RPS6KA2: variants seen among roughly 807,000 people sequenced by gnomAD.
The protein encoded by RPS6KA2 is ribosomal protein S6 kinase A2, also known as ribosomal protein S6 kinase alpha-2.
RPS6KA2 carries 42 observed loss-of-function variants against 91.8 expected under a neutral mutation model. That is an observed-to-expected ratio of 0.46 (90% CI 0.36 to 0.59). The LOEUF (loss-of-function observed/expected upper bound fraction) is 0.59, where lower values mean the gene tolerates loss of function less well. RPS6KA2 is among the 20% of genes least tolerant of loss of function. The pLI is 0.00. For missense variants in RPS6KA2, 798 were observed against 978.5 expected, an observed-to-expected ratio of 0.82 and a Z score of 2.46; for synonymous variants, 414 against 393.6, an observed-to-expected ratio of 1.05 and a Z score of -0.61.
At chr6:166,478,134 G>A (rs923919945) in intron 10 of RPS6KA2, among the ~76,000 whole-genome samples, 2 of 152,236 alleles carry the variant, frequency 1.3e-5, no homozygotes, top group African/African-American at 4.8e-5. Flanking sequence ...GACTGCGGCA[G>A]CTCGGCTGGG....
intron 1 of RPS6KA2, among the ~76,000 whole-genome samples, chr6:166,545,576 CTCTT>C (rs1039857549): frequency 6.6e-6 from 1 of 151,896 alleles, no homozygotes; most frequent in African/African-American, 2.4e-5. Flanking sequence ...CCTTTTTTTT[CTCTT>C]TCTATCCAAA....
At chr6:166,545,583 T>C (rs911691512) in intron 1 of RPS6KA2, among the ~76,000 whole-genome samples, 1 of 152,184 alleles carries the variant, frequency 6.6e-6, no homozygotes, top group African/African-American at 2.4e-5. Flanking sequence ...TTTCTCTTTC[T>C]ATCCAAACTT....
chr6:166,501,243 G>A (rs1345198009), intron 6 of RPS6KA2, among the ~76,000 whole-genome samples: 1 of 152,246 alleles, frequency 6.6e-6, no homozygotes, highest in Non-Finnish European at 1.5e-5. Flanking sequence ...CCAGACTGCT[G>A]TGCGCAAAGC....
intron 10 of RPS6KA2, among the ~76,000 whole-genome samples, chr6:166,479,088 C>A (rs948093977): frequency 6.6e-6 from 1 of 152,212 alleles, no homozygotes; most frequent in African/African-American, 2.4e-5. Context: ...CCCCTTCCAT[C>A]AGGCCCTCTC....
In RPS6KA2 at chr6:166,459,598, A is replaced by G. The variant is rs879227494; in HGVS notation, c.973-47T>C. 1 of 1,385,474 alleles carries G rather than the reference A, an allele frequency of 7.2e-7. No individual in the cohort carries two copies. Among genetic ancestry groups the G allele is most frequent in the African/African-American group, 1.4e-5 (1 of 70,608 alleles). 85.8% of individuals were successfully genotyped at this position (1,385,474 alleles called of 1,614,324 possible). On this transcript the variant is annotated intron_variant, in intron 11 of 20. Coordinates refer to ENST00000265678, the MANE Select transcript of RPS6KA2 (RefSeq NM_021135.6). This position sits in a 1 kb window ranked among gnomAD's most constrained non-coding sequence, Gnocchi z 4.9. ...GACAGGGCACTGAGGATGCACAGAC[A>G]TTGCCACAGAACACTGGGGACAGAG... is the stretch of plus-strand genomic sequence containing the variant.
chr6:166,565,588 C>G (rs1784475676), intron 1 of RPS6KA2, among the ~76,000 whole-genome samples: 1 of 152,242 alleles, frequency 6.6e-6, no homozygotes, highest in Admixed American at 6.5e-5. Flanking sequence ...TGCAGCCAAC[C>G]CCACACTCTT....
At chr6:166,680,576 G>C (rs989092072) in intron 2 of RPS6KA2, among the ~76,000 whole-genome samples, 1 of 152,162 alleles carries the variant, frequency 6.6e-6, no homozygotes, top group African/African-American at 2.4e-5. Context: ...CACTCCTGAA[G>C]CCAGTGACAG....
At chr6:166,550,438 A>G (rs1192381954) in intron 1 of RPS6KA2, among the ~76,000 whole-genome samples, 1 of 120,412 alleles carries the variant, frequency 8.3e-6, no homozygotes, top group Non-Finnish European at 1.8e-5. Flanking sequence ...AAACCTATTA[A>G]TTGGTAAAAA....
At chr6:166,751,955 TC>T (rs1313724490) in intron 2 of RPS6KA2, among the ~76,000 whole-genome samples, 4 of 151,594 alleles carry the variant, frequency 2.6e-5, no homozygotes, top group Non-Finnish European at 5.9e-5. Flanking sequence ...GAGGCCAGAC[TC>T]CGTGGAGCAC....
At chr6:166,604,405 T>C (rs927933005) in intron 1 of RPS6KA2, among the ~76,000 whole-genome samples, 1 of 151,698 alleles carries the variant, frequency 6.6e-6, no homozygotes, top group Non-Finnish European at 1.5e-5. Flanking sequence ...AAAAAAAAAA[T>C]TCAGAAATTA....
chr6:166,649,370 A>C (rs1184739133), intron 2 of RPS6KA2, among the ~76,000 whole-genome samples: 1 of 152,198 alleles, frequency 6.6e-6, no homozygotes, highest in Non-Finnish European at 1.5e-5. Context: ...AACCCTGAGC[A>C]CTTTATAACC....
chr6:166,862,024 G>A, intron 1 of RPS6KA2: 5 of 1,560,866 alleles, frequency 3.2e-6, no homozygotes, highest in Non-Finnish European at 4.4e-6. Flanking sequence ...GACATGAACT[G>A]ATTATAGTAA....
chr6:166,496,043 C>T lies in RPS6KA2; in HGVS notation c.747+2465G>A, dbSNP rs540003982. ...CTTTCAGCTTCTCCATTTGTCTTTT[C>T]GGTTTGCAGTGATTAAGACCAGAAG... is the stretch of plus-strand genomic sequence containing the variant. On this transcript the variant is annotated intron_variant, in intron 8 of 20. Coordinates refer to ENST00000265678, the MANE Select transcript of RPS6KA2 (RefSeq NM_021135.6). Among the ~76,000 whole-genome samples the T allele has an allele frequency of 5.9e-5, 9 of 152,256 alleles. No homozygotes were observed. In the East Asian group the frequency reaches 9.6e-4, roughly 16 times the overall value.
chr6:166,687,345 CT>C (rs1160167449), intron 2 of RPS6KA2, among the ~76,000 whole-genome samples: 1 of 152,192 alleles, frequency 6.6e-6, no homozygotes, highest in Non-Finnish European at 1.5e-5. Flanking sequence ...ACGCACATGC[CT>C]TGATAGCACA....
chr6:166,463,819 C>T (rs765575255), intron 11 of RPS6KA2, among the ~76,000 whole-genome samples: 27 of 152,256 alleles, frequency 1.8e-4, no homozygotes, highest in Middle Eastern at 3.4e-3. Context: ...AAGACAGGAT[C>T]GAAAGCGCCG....
chr6:166,759,325 A>G (rs753124562), intron 2 of RPS6KA2, among the ~76,000 whole-genome samples: 6 of 152,214 alleles, frequency 3.9e-5, no homozygotes, highest in Non-Finnish European at 7.3e-5. Flanking sequence ...AGCCGTTGGC[A>G]AATATTACTT....
At chr6:166,829,550 A>G (rs1583161534) in intron 2 of RPS6KA2, among the ~76,000 whole-genome samples, 1 of 143,920 alleles carries the variant, frequency 6.9e-6, no homozygotes, top group Admixed American at 7.2e-5. Context: ...AGATCGCGCC[A>G]CTGCACTCCA....
At chr6:166,504,270 A>C (rs1782120659) in intron 6 of RPS6KA2, among the ~76,000 whole-genome samples, 1 of 152,218 alleles carries the variant, frequency 6.6e-6, no homozygotes, top group Non-Finnish European at 1.5e-5. Flanking sequence ...CTCAGGCGTT[A>C]TGAGTGTCAG....
chr6:166,560,995 C>T (rs567408180), intron 1 of RPS6KA2, among the ~76,000 whole-genome samples: 5 of 152,144 alleles, frequency 3.3e-5, no homozygotes, highest in African/African-American at 7.2e-5. Flanking sequence ...GTAATCCACA[C>T]CCCTACTAAA....
Sources: gnomAD v4.1 joint callset for allele counts (sites outside exome capture counted in the v4.1 genomes callset) on GRCh38, gnomAD v4.1.1 for gene constraint, Gnocchi (gnomAD v3.1) non-coding constraint, MANE v1.5 for transcripts, NCBI Gene and HGNC (gene_info 2026-07-23, HGNC 2026-07-21) for gene names.